CCDC125: variants seen among roughly 807,000 people sequenced by gnomAD.
CCDC125 encodes the protein coiled-coil domain containing 125.
Under a neutral mutation model 57.4 loss-of-function variants are expected in CCDC125, and 43 were observed. The observed-to-expected ratio is 0.75, with a 90% CI of 0.59 to 0.97. The LOEUF is 0.97. Ranked by LOEUF, CCDC125 falls within the 50% of genes least tolerant of loss-of-function variation. CCDC125 has a pLI of 0.00. For missense variants in CCDC125, 563 were observed against 595.7 expected (o/e 0.95, Z 0.57); for synonymous variants, 187 against 195.2 (o/e 0.96, Z 0.35).
At chr5:69,279,417 C>T (rs981223084), downstream of CCDC125, among the ~76,000 whole-genome samples, 35 of 152,140 alleles carry the variant, frequency 2.3e-4, no homozygotes, top group Non-Finnish European at 4.4e-4. Flanking sequence ...AGGATGGTCT[C>T]TATCTCCTGA....
At chr5:69,283,552 CTG>C (rs1054780995) in intron 11 of CCDC125, among the ~76,000 whole-genome samples, 1 of 150,524 alleles carries the variant, frequency 6.6e-6, no homozygotes, top group Non-Finnish European at 1.5e-5. Context: ...GGGTCTGGCT[CTG>C]TTGCCCAGGC....
intron 1 of CCDC125, among the ~76,000 whole-genome samples, chr5:69,327,168 C>G (rs1424418369): frequency 2.0e-5 from 3 of 150,202 alleles, no homozygotes; most frequent in Non-Finnish European, 4.4e-5. Flanking sequence ...GATCTCGGCT[C>G]ACTGCAAGCT....
At chr5:69,273,080 A>G in the CCDC125 span, 2 of 1,358,766 alleles carry the variant, frequency 1.5e-6, no homozygotes, top group African/African-American at 2.9e-5. Context: ...GAAATATAAA[A>G]ATAATCTTAA....
At chr5:69,294,232 A>G in intron 9 of CCDC125, 1 of 594,542 alleles carries the variant, frequency 1.7e-6, no homozygotes, top group Non-Finnish European at 2.1e-6. Context: ...ATAGATGAGA[A>G]CATATAAATT....
chr5:69,320,597 C>T lies in CCDC125; in HGVS notation c.-40-17G>A. On this transcript the variant is annotated splice_polypyrimidine_tract_variant and intron_variant, in intron 1 of 11. Coordinates refer to ENST00000396496, the MANE Select transcript of CCDC125 (RefSeq NM_176816.5). Reference sequence around the variant, plus strand: ...ATGGGCTGTCTGTAGTTAAGAAAAACAGTAGTTAGGAAAACATCAGTAGAT... The same window carrying T: ...ATGGGCTGTCTGTAGTTAAGAAAAATAGTAGTTAGGAAAACATCAGTAGAT... The T allele has an allele frequency of 1.6e-6, 2 of 1,212,950 alleles. No homozygotes were observed. The highest frequency in any genetic ancestry group is 2.3e-6 in the Non-Finnish European group (2 of 855,052). 75.1% of individuals were successfully genotyped at this position (1,212,950 alleles called of 1,614,324 possible).
Position 69,311,107 on chromosome 5 carries a change from C to A in CCDC125, c.453+11G>T, listed in dbSNP as rs548299610. On this transcript the variant is annotated intron_variant, in intron 4 of 11. Transcript: ENST00000396496. ...TGTGTAAATGGTGAAAGTTTAAAAA[C>A]AACTTCTTACCATGCTTTGAAGAAT... is the stretch of plus-strand genomic sequence containing the variant. The A allele has an allele frequency of 3.8e-6, 6 of 1,572,380 alleles. No individual in the cohort carries two copies. The South Asian group carries it at 6.8e-5, about 18-fold the overall frequency.
rs1278853406 is a variant in CCDC125 at position 69,308,391 on chromosome 5, G to T, written c.454-363C>A. The T allele has an allele frequency of 1.9e-5, 5 of 258,708 alleles. No homozygotes were observed. In the East Asian group the frequency reaches 4.3e-4, roughly 22 times the overall value. The allele number at this position is 258,708 out of a possible 1,614,324, so 16.0% of individuals were successfully genotyped here. A position where few individuals can be genotyped will look rare whatever the true frequency, so the allele number is the denominator to read the frequency against. ...CCACATGTTGTGAGAGGACCCGGTGGGAGATAATCTGAATCATGGGGGTGG... is the reference window on the plus strand; with the variant it reads ...CCACATGTTGTGAGAGGACCCGGTGTGAGATAATCTGAATCATGGGGGTGG... On this transcript the variant is annotated intron_variant, in intron 4 of 11. Transcript: ENST00000396496.
chr5:69,320,417 T>C lies in CCDC125; in HGVS notation c.124A>G (p.Ile42Val). The change falls in exon 2 of 12, where the codon ATA (isoleucine) becomes GTA (valine). Residue 42 changes from isoleucine (I) to valine (V), a missense_variant. By Grantham distance (29) the Ile-to-Val change is conservative (BLOSUM62 3). Coordinates refer to ENST00000396496, the MANE Select transcript of CCDC125 (RefSeq NM_176816.5). The stretch of plus-strand genomic sequence containing the variant: ...TTTCTAGACCTATGTGAAAATTCTA[T>C]TTCATAAATCCCACCAGGTTTCCTT... ...LGRKPGGIYE[I>V]EFSHRSRKRS... is the part of the protein sequence containing the mutation. 1 of 1,614,140 alleles carries C rather than the reference T, an allele frequency of 6.2e-7. No individual in the cohort carries two copies. The highest frequency in any genetic ancestry group is 8.5e-7 in the Non-Finnish European group (1 of 1,180,010).
intron 11 of CCDC125, among the ~76,000 whole-genome samples, 182 bp downstream of exon 11, chr5:69,285,152 AATG>A (rs1418916944): frequency 6.6e-6 from 1 of 152,048 alleles, no homozygotes; most frequent in African/African-American, 2.4e-5. Context: ...CACTAACACT[AATG>A]ATAGCTGATG....
intron 10 of CCDC125, among the ~76,000 whole-genome samples, chr5:69,289,727 G>A (rs1364948487): frequency 6.6e-6 from 1 of 151,852 alleles, no homozygotes; most frequent in Non-Finnish European, 1.5e-5. Flanking sequence ...GCCTGGCATG[G>A]TGGCACATGC....
At chr5:69,300,822 GC>G (rs59263879) in intron 7 of CCDC125, among the ~76,000 whole-genome samples, 64,068 of 151,732 alleles carry the variant, frequency 0.42, 13,933 homozygotes, top group South Asian at 0.46. Context: ...GCCGCTCTCA[GC>G]CCCAGGGCCT....
chr5:69,301,172 G>C (rs145966358), intron 7 of CCDC125, among the ~76,000 whole-genome samples: 1 of 151,076 alleles, frequency 6.6e-6, no homozygotes, highest in Non-Finnish European at 1.5e-5. Flanking sequence ...GAAGAGTCTC[G>C]TTATGTTGCC....
intron 1 of CCDC125, among the ~76,000 whole-genome samples, chr5:69,324,877 G>A (rs1760531404): frequency 1.3e-5 from 2 of 151,996 alleles, no homozygotes; most frequent in Non-Finnish European, 2.9e-5. Flanking sequence ...ATAAACAACA[G>A]CACATACTGT....
At chr5:69,286,188 C>CTATACA (rs1753332988) in intron 10 of CCDC125, among the ~76,000 whole-genome samples, 1 of 51,332 alleles carries the variant, frequency 1.9e-5, no homozygotes, top group East Asian at 5.5e-4. Context: ...AAATGGTAAA[C>CTATACA]TATATATATA....
intron 10 of CCDC125, among the ~76,000 whole-genome samples, chr5:69,288,028 G>T (rs1326880245): frequency 6.6e-6 from 1 of 152,078 alleles, no homozygotes; most frequent in Non-Finnish European, 1.5e-5. Context: ...ATATATATTT[G>T]GTCTTTGCCC....
At chr5:69,288,572 C>G (rs1386402350) in intron 10 of CCDC125, among the ~76,000 whole-genome samples, 1 of 152,230 alleles carries the variant, frequency 6.6e-6, no homozygotes, top group Non-Finnish European at 1.5e-5. Flanking sequence ...GGCTGTTCAT[C>G]TGCATCCTTT....
chr5:69,307,510 G>C (rs145620673), intron 5 of CCDC125, among the ~76,000 whole-genome samples: 1 of 152,006 alleles, frequency 6.6e-6, no homozygotes, highest in African/African-American at 2.4e-5. Flanking sequence ...GTGAAATCCT[G>C]TCTCTACTAA....
chr5:69,298,519 T>C (rs1219448795), intron 8 of CCDC125, among the ~76,000 whole-genome samples: 1 of 152,178 alleles, frequency 6.6e-6, no homozygotes, highest in Non-Finnish European at 1.5e-5. Flanking sequence ...AGAAAGGTCT[T>C]TTCCCTTTTC....
At chr5:69,319,107 T>A (rs910107536) in intron 2 of CCDC125, among the ~76,000 whole-genome samples, 15 of 152,028 alleles carry the variant, frequency 9.9e-5, no homozygotes, top group African/African-American at 3.6e-4. Context: ...TTTATACTTT[T>A]AGTAGAGATG....
Sources: gnomAD v4.1 joint callset for allele counts (sites outside exome capture counted in the v4.1 genomes callset) on GRCh38, gnomAD v4.1.1 for gene constraint, MANE v1.5 for transcripts, NCBI Gene and HGNC (gene_info 2026-07-23, HGNC 2026-07-21) for gene names.